MAPK6: variants seen among roughly 807,000 people sequenced by gnomAD.
MAPK6 encodes ERK-3.
Under a neutral mutation model 59.3 loss-of-function variants are expected in MAPK6, and 19 were observed. That is an observed-to-expected ratio of 0.32 (90% CI 0.22 to 0.47). MAPK6 has a LOEUF of 0.47. Ranked by LOEUF, MAPK6 falls within the 20% of genes least tolerant of loss-of-function variation. The pLI, the probability that MAPK6 is intolerant of heterozygous loss-of-function variation, is 1.00. For synonymous variants in MAPK6, 316 were observed against 290.3 expected, an observed-to-expected ratio of 1.09 and a Z score of -0.90; for missense variants, 724 against 847.9, an observed-to-expected ratio of 0.85 and a Z score of 1.81.
intron 1 of MAPK6, among the ~76,000 whole-genome samples, chr15:52,043,307 A>AT (rs1015513373): frequency 6.6e-6 from 1 of 151,590 alleles, no homozygotes; most frequent in East Asian, 1.9e-4. Context: ...TTATTTATTC[A>AT]TTTTTTTTGA....
At chr15:52,062,760 G>A (rs947020704) in intron 5 of MAPK6, among the ~76,000 whole-genome samples, 12 of 152,064 alleles carry the variant, frequency 7.9e-5, no homozygotes, top group African/African-American at 2.2e-4. Flanking sequence ...GCAAGACTCC[G>A]TTTCAAATAA....
chr15:52,024,651 G>T (rs937341551), intron 1 of MAPK6: 1 of 151,158 alleles, frequency 6.6e-6, no homozygotes, highest in Non-Finnish European at 1.5e-5. Context: ...CGCCCGCCTC[G>T]GATCCGCCCG....
chr15:52,014,071 T>A (rs1395714652), intron 3 of MAPK6, among the ~76,000 whole-genome samples: 2 of 132,752 alleles, frequency 1.5e-5, no homozygotes, highest in Non-Finnish European at 3.1e-5. Context: ...CATCTGGGAT[T>A]TTTTTTTTTT....
intron 1 of MAPK6, among the ~76,000 whole-genome samples, chr15:52,032,471 T>A (rs1164010338): frequency 1.3e-5 from 2 of 152,184 alleles, no homozygotes; most frequent in South Asian, 2.1e-4. Flanking sequence ...ATTACAGGCG[T>A]GAGCCACTGT....
chr15:52,031,692 G>C (rs2031040306), intron 1 of MAPK6, among the ~76,000 whole-genome samples: 1 of 152,116 alleles, frequency 6.6e-6, no homozygotes, highest in South Asian at 2.1e-4. Context: ...ATTGAGCCGG[G>C]TGTGGCACCT....
intron 1 of MAPK6, among the ~76,000 whole-genome samples, chr15:52,024,868 CA>C: frequency 7.4e-6 from 1 of 135,344 alleles, no homozygotes; most frequent in Non-Finnish European, 1.6e-5. Context: ...CATGTGCCAT[CA>C]TACACTGCCT....
chr15:51,992,914 C>T (rs7179561), intron 2 of MAPK6, among the ~76,000 whole-genome samples: 112,523 of 151,918 alleles, frequency 0.74, 44,442 homozygotes, highest in Non-Finnish European at 0.89. Flanking sequence ...CACGTGTTCA[C>T]TTATCTGGAA....
At chr15:51,993,601 G>C (rs968526795) in intron 2 of MAPK6, among the ~76,000 whole-genome samples, 9 of 151,970 alleles carry the variant, frequency 5.9e-5, no homozygotes, top group African/African-American at 1.7e-4. Flanking sequence ...GATGGATGTA[G>C]AAATAAATAT....
chr15:52,052,810 G>A (rs550337445), intron 3 of MAPK6, among the ~76,000 whole-genome samples: 1 of 152,230 alleles, frequency 6.6e-6, no homozygotes, highest in African/African-American at 2.4e-5. Flanking sequence ...GGACATTTGG[G>A]TTTCCACTTC....
intron 2 of MAPK6, among the ~76,000 whole-genome samples, chr15:51,993,909 G>A (rs984248538): frequency 1.3e-5 from 2 of 149,864 alleles, no homozygotes; most frequent in African/African-American, 2.5e-5. Flanking sequence ...TGGGATTACC[G>A]GAACACACCA....
Position 52,028,199 on chromosome 15 carries a change from G to A in MAPK6, c.-632+8823G>A, listed in dbSNP as rs1176890787. ...GATCTCCTGACCTTGTGATCCGCCC[G>A]CCTCGGCCTCCCAAAGTGCTGGGAT... On this transcript the variant is annotated intron_variant, in intron 1 of 5. Coordinates refer to ENST00000261845, the MANE Select transcript of MAPK6 (RefSeq NM_002748.4). Among the ~76,000 whole-genome samples, 4 of 151,918 alleles carry A rather than the reference G, an allele frequency of 2.6e-5. No individual in the cohort carries two copies. The East Asian group carries it at 5.8e-4, about 22-fold the overall frequency.
rs1275008795 is a variant in MAPK6 at position 52,066,378 on chromosome 15, A to G, written c.*1378A>G. ...CTAGTCTGAAAGGCTGAGAAGGTTC[A>G]AGTCTTTTGACTTAAACCATCACAT... is the stretch of plus-strand genomic sequence containing the variant. On this transcript the variant is annotated 3_prime_UTR_variant, in exon 6 of 6. Transcript: ENST00000261845. 1 of 152,190 alleles carries G rather than the reference A, an allele frequency of 6.6e-6. No homozygotes were observed. Among genetic ancestry groups the G allele is most frequent in the Non-Finnish European group, 1.5e-5 (1 of 68,026 alleles). 9.4% of individuals were successfully genotyped at this position (152,190 alleles called of 1,614,324 possible). A position where few individuals can be genotyped will look rare whatever the true frequency, so the allele number is the denominator to read the frequency against.
At chr15:52,047,154 GTC>G (rs897193731) in intron 2 of MAPK6, 139 bp downstream of exon 2, 45 of 503,038 alleles carry the variant, frequency 8.9e-5, no homozygotes, top group South Asian at 3.4e-4. Flanking sequence ...TCTGAAACAA[GTC>G]TCTCTGTTTG....
At chr15:52,021,861 A>G (rs1016225466) in intron 1 of MAPK6, among the ~76,000 whole-genome samples, 1 of 152,202 alleles carries the variant, frequency 6.6e-6, no homozygotes, top group Non-Finnish European at 1.5e-5. Context: ...AATTTGAAAT[A>G]GGTATTAGTC....
intron 1 of MAPK6, among the ~76,000 whole-genome samples, chr15:51,975,551 T>A (rs533855327): frequency 6.6e-5 from 10 of 151,552 alleles, no homozygotes; most frequent in Middle Eastern, 3.4e-3. Flanking sequence ...AAAAAAAAAG[T>A]ATAAAATATA....
intron 1 of MAPK6, chr15:52,024,620 C>G (rs919202034): frequency 2.0e-5 from 3 of 151,884 alleles, no homozygotes; most frequent in African/African-American, 4.8e-5. Context: ...AGGATGGTCT[C>G]GATTTCCTGA....
At chr15:52,030,936 C>T (rs1020859985) in intron 1 of MAPK6, among the ~76,000 whole-genome samples, 11 of 151,836 alleles carry the variant, frequency 7.2e-5, no homozygotes, top group Non-Finnish European at 1.3e-4. Flanking sequence ...GGATTACAGG[C>T]ATGTGCCACC....
At chr15:52,011,866 T>G (rs571150898) in intron 3 of MAPK6, among the ~76,000 whole-genome samples, 1 of 152,326 alleles carries the variant, frequency 6.6e-6, no homozygotes, top group Admixed American at 6.5e-5. Context: ...AGAGCAGTCA[T>G]TTTAAATTAA....
chr15:51,991,144 TATATAC>T (rs1332702257), intron 2 of MAPK6, among the ~76,000 whole-genome samples: 1 of 104,276 alleles, frequency 9.6e-6, no homozygotes, highest in Non-Finnish European at 1.8e-5. Context: ...GAAATATATA[TATATAC>T]ACACACACAC....
Sources: gnomAD v4.1 joint callset for allele counts (sites outside exome capture counted in the v4.1 genomes callset) on GRCh38, gnomAD v4.1.1 for gene constraint, MANE v1.5 for transcripts, NCBI Gene and HGNC (gene_info 2026-07-23, HGNC 2026-07-21) for gene names.